Variants in AGMO observed in about 807,000 individuals in gnomAD.
AGMO encodes the protein glyceryl-ether monooxygenase.
In AGMO, 75 loss-of-function variants were observed where a neutral mutation model predicts 60.2. The observed-to-expected ratio is 1.25, with a 90% CI of 1.03 to 1.51. AGMO has a LOEUF of 1.51. Ranked by LOEUF, AGMO falls within the 40% of genes most tolerant of loss-of-function variation. The pLI is 0.00. For missense variants in AGMO, 763 were observed against 525.5 expected (o/e 1.45, Z -4.42); for synonymous variants, 261 against 177.1 (o/e 1.47, Z -3.76).
chr7:15,258,266 GA>G (rs1432098534), intron 12 of AGMO, among the ~76,000 whole-genome samples: 4 of 152,086 alleles, frequency 2.6e-5, no homozygotes, highest in Non-Finnish European at 5.9e-5. Flanking sequence ...TGGGACCAAA[GA>G]TAATTGTTTT....
chr7:15,340,412 G>C (rs557567944), intron 12 of AGMO, among the ~76,000 whole-genome samples: 3 of 152,166 alleles, frequency 2.0e-5, no homozygotes, highest in Non-Finnish European at 4.4e-5. Flanking sequence ...CTTTAGAGGT[G>C]CCAGAGACAA....
At chr7:15,403,723 A>G (rs1784616477) in intron 5 of AGMO, among the ~76,000 whole-genome samples, 1 of 151,970 alleles carries the variant, frequency 6.6e-6, no homozygotes, top group African/African-American at 2.4e-5. Context: ...ATCAACCTGA[A>G]TGTTTATGGA....
At chr7:15,305,826 G>T (rs1047913056) in intron 12 of AGMO, among the ~76,000 whole-genome samples, 1 of 151,914 alleles carries the variant, frequency 6.6e-6, no homozygotes. Flanking sequence ...CCTCCAGAAA[G>T]GCACTAAGAA....
chr7:15,342,036 G>A (rs768224760), intron 12 of AGMO, among the ~76,000 whole-genome samples: 7 of 151,808 alleles, frequency 4.6e-5, no homozygotes, highest in African/African-American at 9.7e-5. Context: ...TCTGTATCTC[G>A]CCATGAATGC....
intron 3 of AGMO, among the ~76,000 whole-genome samples, chr7:15,477,214 A>G (rs1782618877): frequency 6.6e-6 from 1 of 152,128 alleles, no homozygotes; most frequent in Admixed American, 6.6e-5. Context: ...TATGAATGAA[A>G]CATTAAAATA....
intron 12 of AGMO, among the ~76,000 whole-genome samples, chr7:15,273,713 A>G (rs185355176): frequency 2.8e-4 from 42 of 152,274 alleles, no homozygotes; most frequent in Middle Eastern, 3.4e-3. Context: ...TACCTTGGGC[A>G]CTATGGCCAT....
At chr7:15,378,828 CAT>C (rs1168654513) in intron 10 of AGMO, among the ~76,000 whole-genome samples, 7 of 151,390 alleles carry the variant, frequency 4.6e-5, no homozygotes, top group Non-Finnish European at 1.0e-4. Context: ...CTCATCGCTA[CAT>C]GACACATAAT....
At chr7:15,275,600 G>C (rs1008443301) in intron 12 of AGMO, among the ~76,000 whole-genome samples, 1 of 151,990 alleles carries the variant, frequency 6.6e-6, no homozygotes, top group African/African-American at 2.4e-5. Flanking sequence ...TAATTTCTTT[G>C]ATTTTCTGTC....
At chr7:15,518,751 C>T (rs747003784) in intron 3 of AGMO, among the ~76,000 whole-genome samples, 2 of 151,878 alleles carry the variant, frequency 1.3e-5, no homozygotes, top group Non-Finnish European at 2.9e-5. Flanking sequence ...AACCAGAATG[C>T]CTCTTCTCCT....
At chr7:15,559,942 A>G (rs556389910) in intron 2 of AGMO, among the ~76,000 whole-genome samples, 199 bp downstream of exon 2, 1 of 152,262 alleles carries the variant, frequency 6.6e-6, no homozygotes, top group African/African-American at 2.4e-5. Flanking sequence ...CAAGATAAAT[A>G]ATGTTTGCGG....
chr7:15,196,142 G>A (rs1484622503), downstream of AGMO, among the ~76,000 whole-genome samples: 3 of 151,378 alleles, frequency 2.0e-5, no homozygotes, highest in African/African-American at 4.9e-5. Context: ...TCCCGGGTTC[G>A]AGCGATTCTT....
chr7:15,204,852 T>G (rs146834997), intron 12 of AGMO, among the ~76,000 whole-genome samples: 1 of 152,268 alleles, frequency 6.6e-6, no homozygotes. Context: ...GTTATGTGTG[T>G]GTGTGTTTGT....
At chr7:15,550,441 G>A (rs1194081119) in intron 2 of AGMO, among the ~76,000 whole-genome samples, 3 of 152,134 alleles carry the variant, frequency 2.0e-5, no homozygotes, top group Non-Finnish European at 4.4e-5. Context: ...AAGAAGAAAA[G>A]AGAGAAGAAT....
intron 10 of AGMO, among the ~76,000 whole-genome samples, chr7:15,366,655 G>A (rs1330617447): frequency 6.6e-6 from 1 of 151,920 alleles, no homozygotes; most frequent in African/African-American, 2.4e-5. Flanking sequence ...AAAGGAGACT[G>A]TGTTTATGAG....
At chr7:15,335,443 A>C (rs1781627719) in intron 12 of AGMO, among the ~76,000 whole-genome samples, 1 of 152,176 alleles carries the variant, frequency 6.6e-6, no homozygotes, top group Non-Finnish European at 1.5e-5. Flanking sequence ...CAAAGCAATT[A>C]TAATTACTTT....
chr7:15,313,787 C>T (rs1780835352), intron 12 of AGMO, among the ~76,000 whole-genome samples: 1 of 151,922 alleles, frequency 6.6e-6, no homozygotes, highest in African/African-American at 2.4e-5. Context: ...AATTTATAGA[C>T]ATAGTAAAAT....
At chr7:15,461,764 G>A (rs1782149133) in intron 3 of AGMO, among the ~76,000 whole-genome samples, 1 of 151,936 alleles carries the variant, frequency 6.6e-6, no homozygotes. Context: ...GTCTTTGGGG[G>A]GCTGAAAAGC....
intron 3 of AGMO, among the ~76,000 whole-genome samples, chr7:15,495,928 A>G (rs1309837017): frequency 6.6e-6 from 1 of 151,674 alleles, no homozygotes; most frequent in Admixed American, 6.6e-5. Context: ...TAAGGGCACA[A>G]AATTCATTGT....
rs998216746 is a variant in AGMO at position 15,502,108 on chromosome 7, C to T, written c.409+42664G>A. 8.5e-5 allele frequency among the ~76,000 whole-genome samples: 13 copies of T among 152,050 alleles called. No homozygotes were observed. In the East Asian group the frequency reaches 2.1e-3, roughly 25 times the overall value. On this transcript the variant is annotated intron_variant, in intron 3 of 12. Transcript: ENST00000342526. Reference sequence around the variant, plus strand: ...ATTTGTCCTCTGTGGGCATTTTTTTCCTCATCTCCAAAGTGAGGGATATTA... The same window carrying T: ...ATTTGTCCTCTGTGGGCATTTTTTTTCTCATCTCCAAAGTGAGGGATATTA...
Sources: allele counts gnomAD v4.1 joint callset (sites outside exome capture counted in the v4.1 genomes callset), GRCh38; gene constraint gnomAD v4.1.1; transcripts MANE v1.5; gene names NCBI Gene and HGNC (gene_info 2026-07-23, HGNC 2026-07-21).